Variants in SNTG1 observed in about 807,000 individuals in gnomAD.
The protein encoded by SNTG1 is gamma-1-syntrophin.
A neutral mutation model predicts 74.7 loss-of-function variants in SNTG1; 39 were observed. That is an observed-to-expected ratio of 0.52 (90% CI 0.40 to 0.68). The LOEUF (loss-of-function observed/expected upper bound fraction) is 0.68, where lower values mean the gene tolerates loss of function less well. Among genes scored for constraint, SNTG1 ranks in the 30% least tolerant of loss-of-function variants. The pLI, the probability that SNTG1 is intolerant of heterozygous loss-of-function variation, is 0.00. For missense variants in SNTG1, 685 were observed against 609.5 expected, an observed-to-expected ratio of 1.12 and a Z score of -1.30; for synonymous variants, 254 against 217.1, an observed-to-expected ratio of 1.17 and a Z score of -1.49.
At chr8:50,136,377 A>G (rs1486465369) in intron 1 of SNTG1, among the ~76,000 whole-genome samples, 1 of 152,194 alleles carries the variant, frequency 6.6e-6, no homozygotes, top group African/African-American at 2.4e-5. Flanking sequence ...CAATGAAAGC[A>G]TATAAGCTTT....
chr8:50,711,702 A>G (rs1313796055), intron 17 of SNTG1, among the ~76,000 whole-genome samples: 1 of 152,156 alleles, frequency 6.6e-6, no homozygotes, highest in Non-Finnish European at 1.5e-5. Context: ...ATTACCCTTG[A>G]CTTGCCAGAG....
intron 1 of SNTG1, among the ~76,000 whole-genome samples, chr8:50,038,126 G>A (rs943889367): frequency 1.4e-4 from 21 of 151,988 alleles, no homozygotes; most frequent in African/African-American, 5.1e-4. Context: ...TCCTGTTCTG[G>A]TCCTCCTGTG....
intron 1 of SNTG1, among the ~76,000 whole-genome samples, chr8:50,127,157 G>A (rs567077461): frequency 9.9e-5 from 15 of 152,072 alleles, no homozygotes; most frequent in African/African-American, 3.4e-4. Context: ...CTGAGTGAAG[G>A]GGGAGGAGAA....
Position 50,257,764 on chromosome 8 carries a change from A to G in SNTG1, c.-28+85129A>G, listed in dbSNP as rs542794029. 7.5e-4 allele frequency among the ~76,000 whole-genome samples: 114 copies of G among 152,332 alleles called. 1 individual carries two copies. The South Asian group carries it at 9.5e-3, about 13-fold the overall frequency. On this transcript the variant is annotated intron_variant, in intron 2 of 18. Transcript: ENST00000642720. ...ACAGCTAAGGAGCCCTCTTCAGTTA[A>G]GAGCAAGCTCAAAGAAGGACAAAAT...
At chr8:50,011,657 G>C (rs1253051618) in intron 1 of SNTG1, 1 of 151,616 alleles carries the variant, frequency 6.6e-6, no homozygotes, top group Admixed American at 6.6e-5. Flanking sequence ...GAGCCTTCCT[G>C]GTTCCTTCTG....
chr8:50,704,828 C>T (rs1431136210), intron 16 of SNTG1, 76 bp downstream of exon 16: 3 of 1,500,274 alleles, frequency 2.0e-6, no homozygotes, highest in African/African-American at 1.4e-5. Flanking sequence ...TAATATCATT[C>T]CAAAGTAGTG....
chr8:50,783,310 T>C (rs905033534), intron 18 of SNTG1, among the ~76,000 whole-genome samples: 3 of 152,204 alleles, frequency 2.0e-5, no homozygotes, highest in Non-Finnish European at 2.9e-5. Context: ...GTGGAGCCTA[T>C]AGAGGCAGGC....
chr8:50,257,500 T>C (rs998343512), intron 2 of SNTG1, among the ~76,000 whole-genome samples: 5 of 152,276 alleles, frequency 3.3e-5, no homozygotes, highest in African/African-American at 1.2e-4. Flanking sequence ...TTTGAACTAA[T>C]TTCGAAGGGT....
intron 2 of SNTG1, among the ~76,000 whole-genome samples, chr8:50,242,799 CTATT>C (rs1027687016): frequency 1.3e-5 from 2 of 150,204 alleles, no homozygotes; most frequent in Admixed American, 6.7e-5. Context: ...ACCATATTAT[CTATT>C]TAAAGAAAAT....
intron 2 of SNTG1, among the ~76,000 whole-genome samples, chr8:50,206,909 A>G (rs1273227894): frequency 6.6e-6 from 1 of 152,168 alleles, no homozygotes; most frequent in African/African-American, 2.4e-5. Context: ...CATCCTAGGG[A>G]TGAAGCCAAC....
intron 1 of SNTG1, among the ~76,000 whole-genome samples, chr8:50,147,192 T>C (rs1049482087): frequency 6.6e-6 from 1 of 152,186 alleles, no homozygotes; most frequent in African/African-American, 2.4e-5. Flanking sequence ...TCAAGAGTCA[T>C]CTAGTAAATT....
At chr8:50,749,532 A>T (rs554372232) in intron 17 of SNTG1, among the ~76,000 whole-genome samples, 95 of 152,170 alleles carry the variant, frequency 6.2e-4, no homozygotes, top group Non-Finnish European at 1.1e-3. Flanking sequence ...TGAAACTTTC[A>T]TAGGTAGAGA....
rs367856979 is a variant in SNTG1 at position 49,956,318 on chromosome 8, G to C, written c.-103+44087G>C. ...AAACCTAAAACAAACAACCCAAACAGTGTCCTTTGACTGAAGTATCCAAAT... is the reference window on the plus strand; with the variant it reads ...AAACCTAAAACAAACAACCCAAACACTGTCCTTTGACTGAAGTATCCAAAT... On this transcript the variant is annotated intron_variant, in intron 1 of 18. Transcript: ENST00000642720. Among the ~76,000 whole-genome samples the C allele has an allele frequency of 1.2e-4, 18 of 152,322 alleles. No individual in the cohort carries two copies. In the East Asian group the frequency reaches 2.5e-3, roughly 21 times the overall value.
At chr8:49,981,537 A>G (rs928518652) in intron 1 of SNTG1, among the ~76,000 whole-genome samples, 8 of 152,188 alleles carry the variant, frequency 5.3e-5, no homozygotes, top group Non-Finnish European at 1.2e-4. Context: ...AGATGGGCCA[A>G]CATAATTTGT....
intron 1 of SNTG1, among the ~76,000 whole-genome samples, chr8:49,992,616 G>C (rs766800709): frequency 6.6e-6 from 1 of 152,096 alleles, no homozygotes; most frequent in Non-Finnish European, 1.5e-5. Context: ...TTGACAAATG[G>C]GTGGTGTTGG....
At chr8:50,316,718 A>T (rs1454282413) in intron 2 of SNTG1, among the ~76,000 whole-genome samples, 2 of 152,170 alleles carry the variant, frequency 1.3e-5, no homozygotes, top group Non-Finnish European at 2.9e-5. Flanking sequence ...ATAAGTATAC[A>T]GTTGATTGCA....
intron 2 of SNTG1, among the ~76,000 whole-genome samples, chr8:50,259,510 AAG>A (rs1554621860): frequency 0.016 from 154 of 9,538 alleles, 8 homozygotes; most frequent in African/African-American, 0.018. Context: ...AAAAAAAAAA[AAG>A]AAAGAAAGAA....
At chr8:50,502,756 T>A (rs531132060) in intron 8 of SNTG1, 22 bp from the exon 9 acceptor site, 1 of 1,572,094 alleles carries the variant, frequency 6.4e-7, no homozygotes. Context: ...GATGATTGTA[T>A]TCTTTTTATT....
chr8:50,329,288 C>T (rs2090869866), intron 2 of SNTG1, among the ~76,000 whole-genome samples: 1 of 152,090 alleles, frequency 6.6e-6, no homozygotes, highest in African/African-American at 2.4e-5. Flanking sequence ...CTCCATTAGG[C>T]AGGATTTCAG....
Sources: gnomAD v4.1 joint callset for allele counts (sites outside exome capture counted in the v4.1 genomes callset) on GRCh38, gnomAD v4.1.1 for gene constraint, MANE v1.5 for transcripts, NCBI Gene and HGNC (gene_info 2026-07-23, HGNC 2026-07-21) for gene names.